Variants in XCR1 observed in about 807,000 individuals in gnomAD.
XCR1 encodes X-C motif chemokine receptor 1, also known as chemokine XC receptor 1.
For missense variants in XCR1, 356 were observed against 424.2 expected (o/e 0.84, Z 1.41); for synonymous variants, 187 against 188.5 (o/e 0.99, Z 0.06).
chr3:46,074,429 T>C (rs1300845884), intron 3 of XCR1, among the ~76,000 whole-genome samples: 1 of 151,858 alleles, frequency 6.6e-6, no homozygotes, highest in Non-Finnish European at 1.5e-5. Flanking sequence ...CACATGGACA[T>C]AGAATGTGGA....
chr3:46,040,949 T>G (rs185296260), intron 5 of XCR1, among the ~76,000 whole-genome samples: 1 of 152,348 alleles, frequency 6.6e-6, no homozygotes, highest in East Asian at 1.9e-4. Flanking sequence ...AATGGAGGAC[T>G]AAAATATTTT....
intron 3 of XCR1, among the ~76,000 whole-genome samples, chr3:46,074,240 T>TTTTTTTTTTTTTTTTTG (rs1698214831): frequency 1.5e-5 from 2 of 129,870 alleles, no homozygotes; most frequent in African/African-American, 6.0e-5. Context: ...TTTTTTTTTT[T>TTTTTTTTTTTTTTTTTG]GAGACAGGGT....
intron 4 of XCR1, among the ~76,000 whole-genome samples, chr3:46,060,641 A>G (rs1697943850): frequency 6.6e-6 from 1 of 152,238 alleles, no homozygotes; most frequent in Non-Finnish European, 1.5e-5. Context: ...GCATAAGGTC[A>G]CAGGAACAGA....
chr3:46,069,819 A>G (rs80297532), intron 3 of XCR1, among the ~76,000 whole-genome samples: 6,820 of 148,834 alleles, frequency 0.046, 201 homozygotes, highest in African/African-American at 0.082. Context: ...TCTCATCTTT[A>G]TTTCTTTTCT....
chr3:46,051,479 C>A (rs1277950986), intron 5 of XCR1, among the ~76,000 whole-genome samples: 1 of 152,202 alleles, frequency 6.6e-6, no homozygotes, highest in Non-Finnish European at 1.5e-5. Context: ...GGCCAATTGT[C>A]TTTAGATATT....
chr3:46,051,753 G>A (rs2125899363), intron 5 of XCR1, among the ~76,000 whole-genome samples: 1 of 152,338 alleles, frequency 6.6e-6, no homozygotes, highest in South Asian at 2.1e-4. Flanking sequence ...TTGGCTGGGA[G>A]CGGTGGCTCA....
At chr3:46,056,618 C>T (rs1258406942) in intron 4 of XCR1, among the ~76,000 whole-genome samples, 2 of 151,886 alleles carry the variant, frequency 1.3e-5, no homozygotes, top group African/African-American at 2.4e-5. Context: ...GGACTACAGG[C>T]GCATGCCACC....
chr3:46,018,711 T>C lies in XCR1; in HGVS notation c.*2235A>G, dbSNP rs1422000026. 2.0e-5 allele frequency: 3 copies of C among 152,180 alleles called. No homozygotes were observed. The highest frequency in any genetic ancestry group is 2.1e-4 in the South Asian group (1 of 4,824). 9.4% of individuals were successfully genotyped at this position (152,180 alleles called of 1,614,324 possible). A position where few individuals can be genotyped will look rare whatever the true frequency, so the allele number is the denominator to read the frequency against. On this transcript the variant is annotated 3_prime_UTR_variant, in exon 2 of 2. Transcript: ENST00000309285. ...AAACTCCTCCAGATCTACTGCCCCA[T>C]TGGCAAATAGATCATTGAAGTTGCA... is the stretch of plus-strand genomic sequence containing the variant.
chr3:46,084,212 G>A (rs1387517036), intron 1 of XCR1, among the ~76,000 whole-genome samples: 4 of 152,244 alleles, frequency 2.6e-5, no homozygotes, highest in South Asian at 2.1e-4. Context: ...TGTGGGACAG[G>A]GCTACCCAGG....
At chr3:46,067,392 G>A (rs1698096701) in intron 3 of XCR1, among the ~76,000 whole-genome samples, 1 of 152,172 alleles carries the variant, frequency 6.6e-6, no homozygotes, top group Non-Finnish European at 1.5e-5. Context: ...TGTGGGTGAG[G>A]TGCATGGTGT....
chr3:46,079,156 C>T (rs1168643265), intron 1 of XCR1, among the ~76,000 whole-genome samples: 1 of 152,130 alleles, frequency 6.6e-6, no homozygotes. Context: ...AAAATCTGAG[C>T]GCTCTTTTAA....
At chr3:46,022,126 C>T in intron 1 of XCR1, 148 bp from the exon 2 acceptor site, 1 of 652,674 alleles carries the variant, frequency 1.5e-6, no homozygotes, top group Middle Eastern at 4.4e-4. Context: ...ATAGTGACAC[C>T]CCTGTCTCTA....
chr3:46,029,199 T>C (rs1708356447), upstream of XCR1, among the ~76,000 whole-genome samples: 2 of 152,160 alleles, frequency 1.3e-5, no homozygotes, highest in African/African-American at 2.4e-5. Context: ...CTATGGTCAA[T>C]TGATTTTTTG....
At chr3:46,072,916 G>C (rs1698187150) in intron 3 of XCR1, among the ~76,000 whole-genome samples, 1 of 152,058 alleles carries the variant, frequency 6.6e-6, no homozygotes, top group East Asian at 1.9e-4. Context: ...CTAGTATAAA[G>C]GTAGACATAT....
At chr3:46,065,461 C>A (rs971092144) in intron 4 of XCR1, among the ~76,000 whole-genome samples, 1 of 152,238 alleles carries the variant, frequency 6.6e-6, no homozygotes, top group Non-Finnish European at 1.5e-5. Flanking sequence ...CACTCTACAA[C>A]AAGCTCCGGC....
chr3:46,081,706 T>A (rs4683176), intron 1 of XCR1, among the ~76,000 whole-genome samples: 54,259 of 149,704 alleles, frequency 0.36, 11,103 homozygotes, highest in East Asian at 0.66. Context: ...TTTTTTTTTT[T>A]AAAAATCTTA....
At chr3:46,025,665 A>G (rs570751185) in intron 1 of XCR1, among the ~76,000 whole-genome samples, 1 of 152,348 alleles carries the variant, frequency 6.6e-6, no homozygotes. Flanking sequence ...TGTTATAGAA[A>G]TATAATTAAC....
chr3:46,051,459 C>G (rs1299768825), intron 5 of XCR1, among the ~76,000 whole-genome samples: 1 of 152,170 alleles, frequency 6.6e-6, no homozygotes, highest in Non-Finnish European at 1.5e-5. Flanking sequence ...ATTGCAAGGG[C>G]CAGGATGGGG....
rs1168466564 is a variant in XCR1 at position 46,018,500 on chromosome 3, C to T, written c.*2446G>A. 1 of 152,210 alleles carries T rather than the reference C, an allele frequency of 6.6e-6. No individual in the cohort carries two copies. Among genetic ancestry groups the T allele is most frequent in the Non-Finnish European group, 1.5e-5 (1 of 68,054 alleles). 9.4% of individuals were successfully genotyped at this position (152,210 alleles called of 1,614,324 possible). A position where few individuals can be genotyped will look rare whatever the true frequency, so the allele number is the denominator to read the frequency against. The stretch of plus-strand genomic sequence containing the variant: ...GCCCATAGGCTTAGCTCTGATACCA[C>T]AAACTACCTCATTATCTCTTCCTTA... On this transcript the variant is annotated 3_prime_UTR_variant, in exon 2 of 2. Transcript: ENST00000309285.
Sources: gnomAD v4.1 joint callset for allele counts (sites outside exome capture counted in the v4.1 genomes callset) on GRCh38, gnomAD v4.1.1 for gene constraint, MANE v1.5 for transcripts, NCBI Gene and HGNC (gene_info 2026-07-23, HGNC 2026-07-21) for gene names.